DMD: variants seen among roughly 807,000 people sequenced by gnomAD.
The protein encoded by DMD is dystrophin.
Under a neutral mutation model 330.1 loss-of-function variants are expected in DMD, and 63 were observed. That is an observed-to-expected ratio of 0.19 (90% CI 0.16 to 0.24). The LOEUF is 0.24. DMD is among the 10% of genes least tolerant of loss of function. The pLI, the probability that DMD is intolerant of heterozygous loss-of-function variation, is 1.00. For synonymous variants in DMD, 1,223 were observed against 959.8 expected, an observed-to-expected ratio of 1.27 and a Z score of -5.07; for missense variants, 3,344 against 2,684.1, an observed-to-expected ratio of 1.25 and a Z score of -5.43.
chrX:33,121,654 C>G lies in DMD; in HGVS notation c.31+89628G>C, dbSNP rs141796060. ...TCTTTTTGCATGTGCTACGTATGGC[C>G]TTTGGGAGAAGTACATTTTTTGTAG... is the stretch of plus-strand genomic sequence containing the variant. On this transcript the variant is annotated intron_variant, in intron 1 of 78. Transcript: ENST00000357033. Among the ~76,000 whole-genome samples, 489 of 111,775 alleles carry G rather than the reference C, an allele frequency of 4.4e-3. 3 individuals carry two copies. The highest frequency in any genetic ancestry group is 0.015 in the African/African-American group (471 of 30,827).
At chrX:31,256,018 C>T (rs866551345) in intron 63 of DMD, among the ~76,000 whole-genome samples, 7 of 110,164 alleles carry the variant, frequency 6.4e-5, no homozygotes, top group Non-Finnish European at 9.5e-5. Context: ...TCAGGTGATC[C>T]GCCCACCTCG....
intron 64 of DMD, among the ~76,000 whole-genome samples, chrX:31,222,089 C>T (rs1459006993): frequency 9.0e-6 from 1 of 110,547 alleles, no homozygotes; most frequent in African/African-American, 3.3e-5. Context: ...CCAGCTACTC[C>T]GGAGGCTGAG....
intron 20 of DMD, among the ~76,000 whole-genome samples, chrX:32,488,850 A>G (rs775748602): frequency 9.0e-6 from 1 of 111,207 alleles, no homozygotes; most frequent in Non-Finnish European, 1.9e-5. Flanking sequence ...CCTCTCATTC[A>G]TCTGCCCCTC....
At chrX:32,336,919 A>G (rs959704916) in intron 41 of DMD, among the ~76,000 whole-genome samples, 1 of 111,711 alleles carries the variant, frequency 9.0e-6, no homozygotes, top group African/African-American at 3.3e-5. Context: ...AACAGAAGTG[A>G]TAGGAAGGGG....
At chrX:31,507,148 A>G (rs1359424979) in intron 56 of DMD, 133 bp downstream of exon 56, 8 of 630,486 alleles carry the variant, frequency 1.3e-5, no homozygotes, top group Non-Finnish European at 2.1e-5. Flanking sequence ...ATTTATTCAA[A>G]ATACAGTGAA....
chrX:31,665,704 A>G (rs1169683625), intron 53 of DMD, among the ~76,000 whole-genome samples: 1 of 112,050 alleles, frequency 8.9e-6, no homozygotes, highest in East Asian at 2.8e-4. Flanking sequence ...CCTTTCAACA[A>G]TGACTACAAG....
chrX:32,994,591 T>C (rs2093066765), intron 2 of DMD, among the ~76,000 whole-genome samples: 1 of 111,179 alleles, frequency 9.0e-6, no homozygotes, highest in Non-Finnish European at 1.9e-5. Context: ...AGTAGGAAAG[T>C]TGGATCATAT....
chrX:31,464,086 G>A (rs886491693), intron 59 of DMD, among the ~76,000 whole-genome samples: 14 of 111,454 alleles, frequency 1.3e-4, no homozygotes, highest in African/African-American at 4.6e-4. Context: ...AAACAGGATT[G>A]GCATATTATA....
At chrX:31,347,990 T>A (rs1201298574) in intron 61 of DMD, among the ~76,000 whole-genome samples, 1 of 112,177 alleles carries the variant, frequency 8.9e-6, no homozygotes, top group Non-Finnish European at 1.9e-5. Flanking sequence ...CATTTTTTCA[T>A]ATACCTGTTG....
chrX:31,989,527 A>G, intron 44 of DMD, among the ~76,000 whole-genome samples: 1 of 111,425 alleles, frequency 9.0e-6, no homozygotes, highest in East Asian at 2.8e-4. Context: ...ACAGACCTGG[A>G]GCAGTTATTT....
chrX:32,376,146 T>C (rs2097901990), intron 34 of DMD, among the ~76,000 whole-genome samples: 1 of 111,081 alleles, frequency 9.0e-6, no homozygotes, highest in Admixed American at 9.6e-5. Context: ...CAGGGTATGG[T>C]GGCAGGTGTC....
At chrX:32,949,520 C>G (rs2091089622) in intron 2 of DMD, among the ~76,000 whole-genome samples, 1 of 110,928 alleles carries the variant, frequency 9.0e-6, no homozygotes, top group Non-Finnish European at 1.9e-5. Context: ...CTGTTCTTTT[C>G]CTTACACATA....
chrX:31,749,456 C>T (rs1167707495), intron 51 of DMD, among the ~76,000 whole-genome samples: 16 of 104,556 alleles, frequency 1.5e-4, no homozygotes, highest in African/African-American at 4.9e-4. Flanking sequence ...ATCCATGTCC[C>T]TACAAAGGAC....
intron 7 of DMD, chrX:32,756,187 A>C (rs974854307): frequency 7.1e-5 from 8 of 112,397 alleles, no homozygotes; most frequent in African/African-American, 2.6e-4. Flanking sequence ...ATTCCGGCTC[A>C]ACAAGAAATT....
At chrX:32,282,378 G>A (rs1002931584) in intron 43 of DMD, among the ~76,000 whole-genome samples, 3 of 111,431 alleles carry the variant, frequency 2.7e-5, no homozygotes, top group Non-Finnish European at 3.8e-5. Context: ...TTACCCACCC[G>A]AAAATCAATG....
chrX:33,306,087 A>G (rs2053758652), intron 1 of DMD, among the ~76,000 whole-genome samples: 1 of 111,810 alleles, frequency 8.9e-6, no homozygotes, highest in African/African-American at 3.2e-5. Context: ...TCTGACTGGC[A>G]CTTTTTAGCT....
At position 32,073,055 on chromosome X, in the gene DMD, C is replaced by G. The variant is rs142625438; in HGVS notation, c.6439-104541G>C. ...GGCCAAAAATAAACACAAGGCCAGTCTGCTAAATTCGTATGTTGCAAAAAC... is the reference window on the plus strand; with the variant it reads ...GGCCAAAAATAAACACAAGGCCAGTGTGCTAAATTCGTATGTTGCAAAAAC... On this transcript the variant is annotated intron_variant, in intron 44 of 78. Transcript: ENST00000357033. Among the ~76,000 whole-genome samples, 754 of 112,008 alleles carry G rather than the reference C, an allele frequency of 6.7e-3. 6 individuals carry two copies. Among genetic ancestry groups the G allele is most frequent in the African/African-American group, 0.023 (715 of 30,859 alleles).
chrX:31,557,607 A>G (rs780464759), intron 55 of DMD, among the ~76,000 whole-genome samples: 6 of 112,199 alleles, frequency 5.3e-5, no homozygotes, highest in Non-Finnish European at 1.1e-4. Flanking sequence ...ATTGTTTAAC[A>G]CTTAGCAAGT....
chrX:32,081,994 C>T (rs1406202691), intron 44 of DMD, among the ~76,000 whole-genome samples: 6 of 111,457 alleles, frequency 5.4e-5, no homozygotes, highest in Non-Finnish European at 1.1e-4. Flanking sequence ...TATTATTTCT[C>T]TTTTTATTTG....
Sources: allele counts gnomAD v4.1 joint callset (sites outside exome capture counted in the v4.1 genomes callset), GRCh38; gene constraint gnomAD v4.1.1; transcripts MANE v1.5; gene names NCBI Gene and HGNC (gene_info 2026-07-23, HGNC 2026-07-21).